MAGI2: variants seen among roughly 807,000 people sequenced by gnomAD.
MAGI2 encodes membrane-associated guanylate kinase, WW and PDZ domain-containing protein 2.
A neutral mutation model predicts 133.3 loss-of-function variants in MAGI2; 35 were observed. That is an observed-to-expected ratio of 0.26 (90% CI 0.20 to 0.35). MAGI2 has a LOEUF of 0.35. Ranked by LOEUF, MAGI2 falls within the 10% of genes least tolerant of loss-of-function variation. MAGI2 has a pLI of 1.00. For synonymous variants in MAGI2, 729 were observed against 710.6 expected (o/e 1.03, Z -0.41); for missense variants, 1,636 against 1,863.4 (o/e 0.88, Z 2.25).
chr7:79,106,731 T>C (rs1055068138), intron 1 of MAGI2, among the ~76,000 whole-genome samples: 44 of 152,210 alleles, frequency 2.9e-4, no homozygotes, highest in African/African-American at 1.0e-3. Flanking sequence ...AATAAATACA[T>C]CCCAAATAAA....
At chr7:79,427,180 A>C (rs1387265159) in intron 1 of MAGI2, among the ~76,000 whole-genome samples, 1 of 152,114 alleles carries the variant, frequency 6.6e-6, no homozygotes, top group East Asian at 1.9e-4. Flanking sequence ...TTACTCTGTG[A>C]AGTTAGTAAG....
At chr7:78,662,444 C>A (rs1813069896) in intron 2 of MAGI2, among the ~76,000 whole-genome samples, 1 of 152,136 alleles carries the variant, frequency 6.6e-6, no homozygotes, top group Admixed American at 6.6e-5. Flanking sequence ...TATATAAATT[C>A]TATCTTAGCA....
At chr7:79,197,588 T>C (rs961249059) in intron 1 of MAGI2, among the ~76,000 whole-genome samples, 2 of 152,066 alleles carry the variant, frequency 1.3e-5, no homozygotes, top group African/African-American at 4.8e-5. Context: ...TAAGGTAAAC[T>C]CTGCAGCCTG....
At chr7:79,443,950 T>A (rs1848664698) in intron 1 of MAGI2, among the ~76,000 whole-genome samples, 1 of 152,220 alleles carries the variant, frequency 6.6e-6, no homozygotes, top group South Asian at 2.1e-4. Flanking sequence ...ATGCATGTGT[T>A]TCACTATAAG....
At chr7:78,328,650 A>G (rs1366964565) in intron 9 of MAGI2, among the ~76,000 whole-genome samples, 1 of 152,068 alleles carries the variant, frequency 6.6e-6, no homozygotes, top group East Asian at 1.9e-4. Flanking sequence ...AAAAATGCCA[A>G]TGTTGCTACA....
At chr7:78,737,022 CAGAT>C (rs1821923399) in intron 2 of MAGI2, among the ~76,000 whole-genome samples, 1 of 152,208 alleles carries the variant, frequency 6.6e-6, no homozygotes, top group African/African-American at 2.4e-5. Flanking sequence ...GAATGACTGA[CAGAT>C]AAACTATGGC....
intron 1 of MAGI2, among the ~76,000 whole-genome samples, chr7:79,088,898 T>G (rs1016416276): frequency 5.9e-5 from 9 of 152,080 alleles, no homozygotes; most frequent in African/African-American, 1.4e-4. Context: ...GGCAAAGACT[T>G]CATGACTGAA....
intron 14 of MAGI2, among the ~76,000 whole-genome samples, chr7:78,177,259 T>C (rs1253441650): frequency 2.6e-5 from 4 of 152,194 alleles, no homozygotes; most frequent in South Asian, 2.1e-4. Flanking sequence ...TTCAAAACTT[T>C]CGTGGACCTA....
chr7:78,637,644 T>C (rs891546461), intron 2 of MAGI2, among the ~76,000 whole-genome samples: 1 of 152,246 alleles, frequency 6.6e-6, no homozygotes, highest in Non-Finnish European at 1.5e-5. Flanking sequence ...AATCAGGTGA[T>C]AGGTAACATA....
chr7:79,260,680 C>G (rs182040505), intron 1 of MAGI2, among the ~76,000 whole-genome samples: 1 of 152,190 alleles, frequency 6.6e-6, no homozygotes, highest in Admixed American at 6.5e-5. Flanking sequence ...AAAACACTGT[C>G]AAAACTTTAT....
chr7:78,298,810 G>GTTTTT (rs71085520), intron 9 of MAGI2, among the ~76,000 whole-genome samples: 29 of 79,614 alleles, frequency 3.6e-4, no homozygotes, highest in Non-Finnish European at 5.6e-4. Context: ...TGGCCTAAAC[G>GTTTTT]TTTTTTTTTT....
At chr7:78,497,851 C>T (rs1794266602) in intron 5 of MAGI2, among the ~76,000 whole-genome samples, 1 of 152,042 alleles carries the variant, frequency 6.6e-6, no homozygotes, top group Admixed American at 6.6e-5. Flanking sequence ...TCAAAGGATA[C>T]AGACTTCAGC....
intron 1 of MAGI2, among the ~76,000 whole-genome samples, chr7:79,012,866 C>G (rs886441189): frequency 6.6e-6 from 1 of 152,140 alleles, no homozygotes; most frequent in Admixed American, 6.5e-5. Flanking sequence ...TAAGGGCACT[C>G]TTCCCGGCTT....
At chr7:79,324,014 G>T (rs1839403402) in intron 1 of MAGI2, among the ~76,000 whole-genome samples, 1 of 152,084 alleles carries the variant, frequency 6.6e-6, no homozygotes, top group South Asian at 2.1e-4. Flanking sequence ...GATACCTTGA[G>T]ATTAGATTCT....
intron 1 of MAGI2, among the ~76,000 whole-genome samples, chr7:79,044,518 G>C (rs950718750): frequency 7.2e-5 from 11 of 152,124 alleles, no homozygotes; most frequent in African/African-American, 2.7e-4. Context: ...TTGAGAACCA[G>C]AAGACAAGGA....
intron 14 of MAGI2, among the ~76,000 whole-genome samples, chr7:78,171,949 G>A (rs1826152546): frequency 6.6e-6 from 1 of 151,448 alleles, no homozygotes; most frequent in South Asian, 2.1e-4. Flanking sequence ...GGAGAGCTTT[G>A]TGGCAAAACA....
intron 9 of MAGI2, among the ~76,000 whole-genome samples, chr7:78,326,842 G>A (rs1199939998): frequency 6.6e-6 from 1 of 152,110 alleles, no homozygotes; most frequent in Non-Finnish European, 1.5e-5. Context: ...GAGAGGTATG[G>A]TCTGCCTCTG....
At chr7:78,359,943 T>A (rs904023642) in intron 7 of MAGI2, among the ~76,000 whole-genome samples, 3 of 152,180 alleles carry the variant, frequency 2.0e-5, no homozygotes, top group Non-Finnish European at 4.4e-5. Context: ...TTCAAAATTG[T>A]GGATGGAAAA....
intron 1 of MAGI2, among the ~76,000 whole-genome samples, chr7:79,140,751 A>G (rs1233291512): frequency 6.6e-6 from 1 of 152,108 alleles, no homozygotes; most frequent in Non-Finnish European, 1.5e-5. Context: ...GCTTTGATCT[A>G]TTTGGTATAT....
Sources: gnomAD v4.1 joint callset for allele counts (sites outside exome capture counted in the v4.1 genomes callset) on GRCh38, gnomAD v4.1.1 for gene constraint, MANE v1.5 for transcripts, NCBI Gene and HGNC (gene_info 2026-07-23, HGNC 2026-07-21) for gene names.